The following ASPRV1 variants were observed in gnomAD, a reference collection of about 807,000 sequenced individuals.
The protein encoded by ASPRV1 is aspartic peptidase retroviral like 1.
A neutral mutation model predicts 11.0 loss-of-function variants in ASPRV1; 7 were observed. That is an observed-to-expected ratio of 0.64 (90% CI 0.36 to 1.20). The LOEUF (loss-of-function observed/expected upper bound fraction) is 1.20, where lower values mean the gene tolerates loss of function less well. ASPRV1 is among the 50% of genes most tolerant of loss of function. The pLI, the probability that ASPRV1 is intolerant of heterozygous loss-of-function variation, is 0.02. For missense variants in ASPRV1, 299 were observed against 320.0 expected (o/e 0.93, Z 0.50); for synonymous variants, 136 against 138.4 (o/e 0.98, Z 0.12).
At chr2:69,939,539 CTAATG>C in the ASPRV1 span, 3 of 152,588 alleles carry the variant, frequency 2.0e-5, no homozygotes, top group Non-Finnish European at 2.9e-5. Context: ...TTTATATAAA[CTAATG>C]TAATGGAAAA....
At chr2:69,996,629 T>C in the ASPRV1 span, 2 of 439,636 alleles carry the variant, frequency 4.5e-6, no homozygotes, top group Admixed American at 2.6e-5. Flanking sequence ...CTATGACACC[T>C]GAAATTCTAA....
At chr2:70,006,489 G>A in the ASPRV1 span, among the ~76,000 whole-genome samples, 7 of 152,134 alleles carry the variant, frequency 4.6e-5, no homozygotes, top group Admixed American at 2.0e-4. Flanking sequence ...TCAAACTTAG[G>A]AGACCAAGAG....
At chr2:70,086,813 C>G in the ASPRV1 span, among the ~76,000 whole-genome samples, 1 of 152,254 alleles carries the variant, frequency 6.6e-6, no homozygotes, top group African/African-American at 2.4e-5. Flanking sequence ...ACGTTTCTAG[C>G]ACGCCCCACA....
At chr2:70,010,430 G>A in the ASPRV1 span, among the ~76,000 whole-genome samples, 1 of 152,128 alleles carries the variant, frequency 6.6e-6, no homozygotes, top group Non-Finnish European at 1.5e-5. Flanking sequence ...ACAAGGAACT[G>A]CATGTGCAAA....
At chr2:70,024,742 C>G in the ASPRV1 span, among the ~76,000 whole-genome samples, 1 of 152,120 alleles carries the variant, frequency 6.6e-6, no homozygotes, top group African/African-American at 2.4e-5. Flanking sequence ...CCACTTCTCC[C>G]CACATTTCGC....
chr2:70,073,362 C>T, the ASPRV1 span: 1 of 151,964 alleles, frequency 6.6e-6, no homozygotes, highest in Non-Finnish European at 1.5e-5. Context: ...TTTTAAATAT[C>T]CAACCAGGCA....
chr2:69,936,458 CTTGAGAGCCACAGCCAAAATCCCTGT>C, the ASPRV1 span, among the ~76,000 whole-genome samples: 1 of 152,166 alleles, frequency 6.6e-6, no homozygotes, highest in African/African-American at 2.4e-5. Flanking sequence ...GATTCAAAGT[CTTGAGAGCCACAGCCAAAATCCCTGT>C]TTAGCATGTT....
the ASPRV1 span, among the ~76,000 whole-genome samples, chr2:70,042,098 A>G: frequency 9.1e-6 from 1 of 109,452 alleles, no homozygotes; most frequent in Non-Finnish European, 1.7e-5. Context: ...ATTCCTTCAG[A>G]AAAAAAAAAT....
chr2:69,992,866 G>A, the ASPRV1 span, among the ~76,000 whole-genome samples: 6 of 152,210 alleles, frequency 3.9e-5, no homozygotes, highest in East Asian at 5.8e-4. Flanking sequence ...CGTGCATTAC[G>A]TAGTAATCTA....
chr2:70,039,198 T>C, the ASPRV1 span, among the ~76,000 whole-genome samples: 3 of 152,154 alleles, frequency 2.0e-5, no homozygotes, highest in South Asian at 4.1e-4. Context: ...AGAATTCAAG[T>C]TGCTTACTTT....
downstream of ASPRV1, among the ~76,000 whole-genome samples, chr2:69,957,547 G>T (rs1295213387): frequency 6.6e-6 from 1 of 151,504 alleles, no homozygotes; most frequent in Non-Finnish European, 1.5e-5. Flanking sequence ...CTTAACTAGA[G>T]GTATTAGAAT....
chr2:69,959,646 G>A (rs1678017862), downstream of ASPRV1, among the ~76,000 whole-genome samples: 1 of 152,074 alleles, frequency 6.6e-6, no homozygotes, highest in Admixed American at 6.6e-5. Context: ...ATGCCCTTGG[G>A]CTGCCCCACA....
chr2:69,996,336 G>A, the ASPRV1 span, among the ~76,000 whole-genome samples: 2 of 150,820 alleles, frequency 1.3e-5, no homozygotes, highest in Admixed American at 6.6e-5. Flanking sequence ...AAGCTGCAAT[G>A]AGCCATGATC....
the ASPRV1 span, among the ~76,000 whole-genome samples, chr2:69,974,349 A>AC: frequency 6.6e-6 from 1 of 151,902 alleles, no homozygotes; most frequent in East Asian, 1.9e-4. Flanking sequence ...AAAAAAAAAA[A>AC]ATTATTAGGA....
At chr2:70,006,290 C>T in the ASPRV1 span, among the ~76,000 whole-genome samples, 2,546 of 152,280 alleles carry the variant, frequency 0.017, 77 homozygotes, top group African/African-American at 0.058. Flanking sequence ...ATCTTACCTC[C>T]CACCTCCGCA....
the ASPRV1 span, chr2:70,083,412 G>A: frequency 1.3e-5 from 2 of 152,204 alleles, no homozygotes; most frequent in Non-Finnish European, 2.9e-5. Flanking sequence ...GGTTTTACGT[G>A]ACATACCAAC....
In ASPRV1 at chr2:69,960,520, G is replaced by T; in HGVS notation, c.*137C>A. 1 of 924,090 alleles carries T rather than the reference G, an allele frequency of 1.1e-6. No individual in the cohort carries two copies. The highest frequency in any genetic ancestry group is 1.6e-6 in the Non-Finnish European group (1 of 624,454). 57.2% of individuals were successfully genotyped at this position (924,090 alleles called of 1,614,324 possible). On this transcript the variant is annotated 3_prime_UTR_variant, in exon 1 of 1. Coordinates refer to ENST00000320256, the MANE Select transcript of ASPRV1 (RefSeq NM_152792.4). ...GGGGCAGATTAAGGCCCCTGCAGAG[G>T]GAGGCAAAGGGGAGAGAAGAGCAAG...
chr2:70,035,514 T>C, the ASPRV1 span, among the ~76,000 whole-genome samples: 1 of 151,714 alleles, frequency 6.6e-6, no homozygotes, highest in African/African-American at 2.4e-5. Context: ...ACTCACTCAT[T>C]TACTTGACCA....
chr2:70,064,972 C>T, the ASPRV1 span, among the ~76,000 whole-genome samples: 47 of 152,006 alleles, frequency 3.1e-4, no homozygotes, highest in African/African-American at 1.1e-3. Flanking sequence ...GCACACGTCT[C>T]TAATCCCAGC....
Sources: allele counts gnomAD v4.1 joint callset (sites outside exome capture counted in the v4.1 genomes callset), GRCh38; gene constraint gnomAD v4.1.1; transcripts MANE v1.5; gene names NCBI Gene and HGNC (gene_info 2026-07-23, HGNC 2026-07-21).